COL4A1: variants seen among roughly 807,000 people sequenced by gnomAD.
COL4A1 encodes the protein collagen alpha-1(IV) chain.
In COL4A1, 40 loss-of-function variants were observed where a neutral mutation model predicts 216.6. That is an observed-to-expected ratio of 0.18 (90% CI 0.14 to 0.24). The LOEUF (loss-of-function observed/expected upper bound fraction) is 0.24, where lower values mean the gene tolerates loss of function less well. Ranked by LOEUF, COL4A1 falls within the 10% of genes least tolerant of loss-of-function variation. The pLI, the probability that COL4A1 is intolerant of heterozygous loss-of-function variation, is 1.00. For missense variants in COL4A1, 1,628 were observed against 2,196.8 expected, an observed-to-expected ratio of 0.74 and a Z score of 5.18; for synonymous variants, 839 against 810.7, an observed-to-expected ratio of 1.03 and a Z score of -0.59.
intron 18 of COL4A1, chr13:110,201,764 A>G: frequency 1.5e-6 from 1 of 663,456 alleles, no homozygotes; most frequent in Non-Finnish European, 2.8e-6. Context: ...CAGGTGGATC[A>G]CAAGGTCAGG....
chr13:110,278,013 T>C (rs1280089422), intron 1 of COL4A1, among the ~76,000 whole-genome samples: 3 of 152,210 alleles, frequency 2.0e-5, no homozygotes, highest in Non-Finnish European at 2.9e-5. Flanking sequence ...TTCAAAATGA[T>C]CCCAAATGGA....
chr13:110,150,772 G>A (rs562360187), intron 51 of COL4A1, among the ~76,000 whole-genome samples: 1 of 152,246 alleles, frequency 6.6e-6, no homozygotes, highest in South Asian at 2.1e-4. Flanking sequence ...CTGCCTCCTC[G>A]TACTACAATT....
chr13:110,209,965 G>A lies in COL4A1; in HGVS notation c.615+15C>T. ...TTTAAATGATTGCCTCGGAGAGACA[G>A]CCCCCAAAACTTACTGGTGGTCCGG... On this transcript the variant is annotated intron_variant, in intron 10 of 51. Coordinates refer to ENST00000375820, the MANE Select transcript of COL4A1 (RefSeq NM_001845.6). 1 of 1,613,842 alleles carries A rather than the reference G, an allele frequency of 6.2e-7. No individual in the cohort carries two copies. The highest frequency in any genetic ancestry group is 8.5e-7 in the Non-Finnish European group (1 of 1,179,728).
intron 49 of COL4A1, among the ~76,000 whole-genome samples, chr13:110,159,602 G>A (rs1258963466): frequency 1.3e-5 from 2 of 152,298 alleles, no homozygotes; most frequent in East Asian, 3.9e-4. Context: ...ACTTCTGGGT[G>A]TACCTCCAGA....
intron 20 of COL4A1, among the ~76,000 whole-genome samples, chr13:110,198,912 T>C (rs1314124875): frequency 6.6e-6 from 1 of 152,184 alleles, no homozygotes; most frequent in Admixed American, 6.5e-5. Flanking sequence ...TCCCAACATA[T>C]TTTAAAAAGG....
At chr13:110,188,004 G>C (rs1878474823) in intron 24 of COL4A1, among the ~76,000 whole-genome samples, 1 of 152,212 alleles carries the variant, frequency 6.6e-6, no homozygotes, top group Admixed American at 6.5e-5. Flanking sequence ...AGTCAGCAGA[G>C]TCAAATTGAC....
At chr13:110,287,809 G>A (rs758605800) in intron 1 of COL4A1, among the ~76,000 whole-genome samples, 2 of 152,188 alleles carry the variant, frequency 1.3e-5, no homozygotes, top group Non-Finnish European at 2.9e-5. Context: ...GGCTAATGCA[G>A]GCGCTACAAT....
In COL4A1 at chr13:110,179,286, G is replaced by A; in HGVS notation, c.2329C>T (p.Leu777Phe). The part of the protein sequence containing the change: ...GEHGAIGPPG[L>F]QGIRGEPGPP... ...ATGAAGTTACCTCTGATCCCCTGAA[G>A]CCCAGGGGGTCCGATCGCTCCATGT... is the stretch of plus-strand genomic sequence containing the variant. The change falls in exon 30 of 52, where the codon CTT (leucine) becomes TTT (phenylalanine). Residue 777 changes from leucine (L) to phenylalanine (F), a missense_variant. By Grantham distance (22) the Leu-to-Phe change is conservative (BLOSUM62 0). Around this residue, in one of 8 missense-constraint regions of COL4A1, gnomAD observed 701 missense variants for 892.5 expected, o/e 0.79. Transcript: ENST00000375820. 1 of 1,613,978 alleles carries A rather than the reference G, an allele frequency of 6.2e-7. No individual in the cohort carries two copies. The highest frequency in any genetic ancestry group is 8.5e-7 in the Non-Finnish European group (1 of 1,179,996).
chr13:110,246,157 C>CA, intron 1 of COL4A1, among the ~76,000 whole-genome samples: 1 of 145,232 alleles, frequency 6.9e-6, no homozygotes, highest in South Asian at 2.2e-4. Flanking sequence ...AAAAAAAAAA[C>CA]AAAAAAGCTA....
chr13:110,178,158 A>G lies in COL4A1; in HGVS notation c.2532T>C (p.Asp844=), dbSNP rs2139164290. 1 of 1,614,132 alleles carries G rather than the reference A, an allele frequency of 6.2e-7. No individual in the cohort carries two copies. The change falls in exon 32 of 52, where the codon GAT becomes GAC. Residue 844 remains aspartate, a synonymous_variant. Transcript: ENST00000375820. ...PGLDMPGPKG[D]KGAQGLPGIT... ...TGCCAGGGAGTCCTTGAGCCCCTTT[A>G]TCTCCTTTAGGGCCCGGCATGTCCA...
chr13:110,177,131 C>T lies in COL4A1; in HGVS notation c.2717-94G>A, dbSNP rs1326050571. The stretch of plus-strand genomic sequence containing the variant: ...TCTTGTTGACAGGGACAGCAGCTGG[C>T]AAAAAGGCTACAAAGCACTCATAAC... On this transcript the variant is annotated intron_variant, in intron 33 of 51. Transcript: ENST00000375820. The T allele has an allele frequency of 3.2e-6, 5 of 1,577,738 alleles. 1 individual carries two copies. Among genetic ancestry groups the T allele is most frequent in the Non-Finnish European group, 4.3e-6 (5 of 1,168,732 alleles).
chr13:110,179,121 A>G (rs982695314), intron 30 of COL4A1, 85 bp from the exon 31 acceptor site: 4 of 1,524,380 alleles, frequency 2.6e-6, no homozygotes, highest in East Asian at 2.3e-5. Context: ...GAATGGCCCC[A>G]GCAACGGAAA....
intron 18 of COL4A1, chr13:110,201,809 C>T (rs1337222849): frequency 5.5e-6 from 3 of 546,280 alleles, no homozygotes; most frequent in Admixed American, 2.1e-5. Flanking sequence ...TGGTGAAACC[C>T]CGACTCTACT....
At chr13:110,201,331 G>GAAGGAGGGGGAGGAGGAAGA (rs1281372855) in intron 19 of COL4A1, 107 bp downstream of exon 19, 1 of 609,942 alleles carries the variant, frequency 1.6e-6, no homozygotes. Flanking sequence ...GAGGAGGAAG[G>GAAGGAGGGGGAGGAGGAAGA]AGGAGGAGGA....
chr13:110,168,954 T>C (rs1040249673), intron 43 of COL4A1, among the ~76,000 whole-genome samples: 2 of 152,182 alleles, frequency 1.3e-5, no homozygotes, highest in African/African-American at 4.8e-5. Flanking sequence ...CCTTTAGCCA[T>C]GGACATGGTT....
At chr13:110,257,702 CCT>C (rs1882641051) in intron 1 of COL4A1, among the ~76,000 whole-genome samples, 1 of 152,158 alleles carries the variant, frequency 6.6e-6, no homozygotes, top group Non-Finnish European at 1.5e-5. Context: ...CCACTATAAC[CCT>C]GAGAGGGGAG....
intron 2 of COL4A1, among the ~76,000 whole-genome samples, chr13:110,236,300 T>C (rs972252492): frequency 2.6e-5 from 4 of 152,232 alleles, no homozygotes; most frequent in Admixed American, 2.0e-4. Flanking sequence ...TCTTCTCTTC[T>C]TGTATTTAGG....
At chr13:110,243,174 C>T (rs969952985) in intron 1 of COL4A1, among the ~76,000 whole-genome samples, 6 of 144,178 alleles carry the variant, frequency 4.2e-5, no homozygotes, top group East Asian at 1.9e-4. Flanking sequence ...CAAGGACACA[C>T]GGCCGCGCAA....
At chr13:110,256,213 C>T (rs1162615086) in intron 1 of COL4A1, among the ~76,000 whole-genome samples, 3 of 152,100 alleles carry the variant, frequency 2.0e-5, no homozygotes, top group Non-Finnish European at 4.4e-5. Context: ...TGTCCTGGGC[C>T]CCAAGCGACA....
Sources: allele counts gnomAD v4.1 joint callset (sites outside exome capture counted in the v4.1 genomes callset), GRCh38; gene constraint gnomAD v4.1.1; regional missense constraint gnomAD v4.1.1; transcripts MANE v1.5; gene names NCBI Gene and HGNC (gene_info 2026-07-23, HGNC 2026-07-21).